RPGRIP1L: variants seen among roughly 807,000 people sequenced by gnomAD.
RPGRIP1L encodes the protein protein fantom.
RPGRIP1L carries 131 observed loss-of-function variants against 160.4 expected under a neutral mutation model. That is an observed-to-expected ratio of 0.82 (90% CI 0.71 to 0.94). The LOEUF (loss-of-function observed/expected upper bound fraction) is 0.94. RPGRIP1L is among the 40% of genes least tolerant of loss of function. RPGRIP1L has a pLI of 0.00. For missense variants in RPGRIP1L, 1,522 were observed against 1,535.8 expected, an observed-to-expected ratio of 0.99 and a Z score of 0.15; for synonymous variants, 510 against 515.8, an observed-to-expected ratio of 0.99 and a Z score of 0.15.
rs779866112 is a variant in RPGRIP1L, at chr16:53,602,081, C to A, written c.3943G>T (p.Ala1315Ser). Residue 1315 changes from alanine (A) to serine (S), a missense_variant, in exon 27 of 27, where the codon GCT becomes TCT. Ala to Ser is a moderately conservative substitution (Grantham distance 99, BLOSUM62 1). Transcript: ENST00000647211. ...TGCCTCTGGAGCATTTGCTTTCAAG[C>A]CTCCAAGTCATCTCTGTATTGCTTG... Reference protein sequence around the residue: ...VYKQYRDDLEA With the variant: ...VYKQYRDDLES 6.2e-7 allele frequency: 1 copy of A among 1,600,868 alleles called. No individual in the cohort carries two copies. The highest frequency in any genetic ancestry group is 8.6e-7 in the Non-Finnish European group (1 of 1,168,406).
chr16:53,619,022 TA>T lies in RPGRIP1L; in HGVS notation c.3616+2del, dbSNP rs1964549329. On this transcript the variant is annotated splice_donor_variant, in intron 24 of 26. Coordinates refer to ENST00000647211, the MANE Select transcript of RPGRIP1L (RefSeq NM_015272.5). LOFTEE classifies it high-confidence loss of function. ...GTCTATATTACAAATGAATCATACATACCATTGCTATAGTTATAGTAGACCC... is the reference window on the plus strand; with the variant it reads ...GTCTATATTACAAATGAATCATACATCCATTGCTATAGTTATAGTAGACCC... 4 of 1,606,356 alleles carry T rather than the reference TA, an allele frequency of 2.5e-6. No individual in the cohort carries two copies. Among genetic ancestry groups the T allele is most frequent in the Non-Finnish European group, 3.4e-6 (4 of 1,172,954 alleles).
At chr16:53,666,648 A>C (rs1968293706) in intron 9 of RPGRIP1L, among the ~76,000 whole-genome samples, 1 of 148,382 alleles carries the variant, frequency 6.7e-6, no homozygotes, top group South Asian at 2.1e-4. Context: ...TTTTATTAAA[A>C]ACATGTACCA....
chr16:53,691,593 C>A (rs1020885335), intron 4 of RPGRIP1L, among the ~76,000 whole-genome samples: 4 of 152,160 alleles, frequency 2.6e-5, no homozygotes, highest in Admixed American at 2.0e-4. Context: ...GAAATAAGGA[C>A]CCAACTTTTT....
rs1963287359 is a variant in RPGRIP1L at position 53,599,397 on chromosome 16, A to T, written c.*2679T>A. On this transcript the variant is annotated 3_prime_UTR_variant, in exon 27 of 27. Coordinates refer to ENST00000647211, the MANE Select transcript of RPGRIP1L (RefSeq NM_015272.5). ...CGTAAACCACACTGTAAACCATAAA[A>T]CTTATTTTTGTCAACTGCTTTTCAT... is the stretch of plus-strand genomic sequence containing the variant. 1 of 152,218 alleles carries T rather than the reference A, an allele frequency of 6.6e-6. No homozygotes were observed. The highest frequency in any genetic ancestry group is 1.5e-5 in the Non-Finnish European group (1 of 68,040). The allele number at this position is 152,218 out of a possible 1,614,324, so 9.4% of individuals were successfully genotyped here.
intron 24 of RPGRIP1L, among the ~76,000 whole-genome samples, chr16:53,615,468 ATATATTTTTT>A (rs1964309861): frequency 1.4e-5 from 1 of 69,892 alleles, no homozygotes; most frequent in African/African-American, 6.3e-5. Flanking sequence ...ATATATATAT[ATATATTTTTT>A]TTTTTTTTTT....
In RPGRIP1L at chr16:53,598,426, AG is replaced by A. The variant is rs1159688807; in HGVS notation, c.*3649del. The A allele has an allele frequency of 6.6e-5, 10 of 152,342 alleles. No individual in the cohort carries two copies. Among genetic ancestry groups the A allele is most frequent in the African/African-American group, 2.4e-4 (10 of 41,588 alleles). The allele number at this position is 152,342 out of a possible 1,614,324, so 9.4% of individuals were successfully genotyped here. A position where few individuals can be genotyped will look rare whatever the true frequency, so the allele number is the denominator to read the frequency against. ...TGAAAGGGCAAGAACAAAAGGTATAAGAATACCAGTAATATGGGTCCAATTT... is the reference window on the plus strand; with the variant it reads ...TGAAAGGGCAAGAACAAAAGGTATAAAATACCAGTAATATGGGTCCAATTT... On this transcript the variant is annotated 3_prime_UTR_variant, in exon 27 of 27. Coordinates refer to ENST00000647211, the MANE Select transcript of RPGRIP1L (RefSeq NM_015272.5).
intron 2 of RPGRIP1L, among the ~76,000 whole-genome samples, chr16:53,698,765 TG>T (rs1159143726): frequency 7.5e-6 from 1 of 132,696 alleles, no homozygotes; most frequent in Non-Finnish European, 1.6e-5. Flanking sequence ...GGGAGGGAGG[TG>T]GGGGGGTCAG....
Position 53,600,553 on chromosome 16 carries a change from A to G in RPGRIP1L, c.*1523T>C, listed in dbSNP as rs1258564649. Reference sequence around the variant, plus strand: ...ACTGGTCCCACAATGTACATCAACAAATTAATATTGTACGGATGTCATTTC... The same window carrying G: ...ACTGGTCCCACAATGTACATCAACAGATTAATATTGTACGGATGTCATTTC... On this transcript the variant is annotated 3_prime_UTR_variant, in exon 27 of 27. Coordinates refer to ENST00000647211, the MANE Select transcript of RPGRIP1L (RefSeq NM_015272.5). 6.6e-6 allele frequency: 1 copy of G among 152,632 alleles called. No individual in the cohort carries two copies. The highest frequency in any genetic ancestry group is 1.9e-4 in the East Asian group (1 of 5,192). The allele number at this position is 152,632 out of a possible 1,614,324, so 9.5% of individuals were successfully genotyped here. A position where few individuals can be genotyped will look rare whatever the true frequency, so the allele number is the denominator to read the frequency against.
intron 24 of RPGRIP1L, among the ~76,000 whole-genome samples, chr16:53,617,073 C>CAAAAAAAAAAAAAAAAAAAAAAAAA (rs397945611): frequency 2.7e-4 from 6 of 21,846 alleles, no homozygotes; most frequent in South Asian, 1.5e-3. Flanking sequence ...CCTTGCATCA[C>CAAAAAAAAAAAAAAAAAAAAAAAAA]AAAAAAAAAA....
intron 4 of RPGRIP1L, 66 bp downstream of exon 4, chr16:53,691,998 TTG>T: frequency 2.0e-6 from 3 of 1,463,840 alleles, no homozygotes; most frequent in Non-Finnish European, 2.9e-6. Context: ...AAGTAAAACT[TTG>T]TGTTTTTTTT....
At chr16:53,617,832 T>A (rs1964474449) in intron 24 of RPGRIP1L, among the ~76,000 whole-genome samples, 1 of 152,206 alleles carries the variant, frequency 6.6e-6, no homozygotes, top group South Asian at 2.1e-4. Context: ...GTAATCCTGC[T>A]GATACAACAG....
chr16:53,660,799 A>G (rs919257369), intron 10 of RPGRIP1L, among the ~76,000 whole-genome samples: 1 of 151,614 alleles, frequency 6.6e-6, no homozygotes, highest in Non-Finnish European at 1.5e-5. Context: ...AGGCTGAGGC[A>G]GGAGAATTGC....
intron 10 of RPGRIP1L, among the ~76,000 whole-genome samples, chr16:53,663,195 A>T (rs933462223): frequency 6.6e-6 from 1 of 151,968 alleles, no homozygotes; most frequent in African/African-American, 2.4e-5. Flanking sequence ...TTATTAAAAA[A>T]AATTCCCAAA....
rs553480902 is a variant in RPGRIP1L at position 53,690,921 on chromosome 16, A to G, written c.529+1145T>C. 7.2e-5 allele frequency among the ~76,000 whole-genome samples: 11 copies of G among 152,298 alleles called. No individual in the cohort carries two copies. In the South Asian group the frequency reaches 2.3e-3, roughly 32 times the overall value. ...CATTATGCTTACTTTAGTTGTATTC[A>G]GAGTCTACTGCCAATCTCACATAGC... On this transcript the variant is annotated intron_variant, in intron 4 of 26. Transcript: ENST00000647211.
At position 53,692,154 on chromosome 16, in the gene RPGRIP1L, TTGCC is replaced by T. The variant is rs1375767574; in HGVS notation, c.437_440del (p.Arg146LysfsTer32). 6.2e-7 allele frequency: 1 copy of T among 1,614,166 alleles called. No individual in the cohort carries two copies. The highest frequency in any genetic ancestry group is 8.5e-7 in the Non-Finnish European group (1 of 1,180,024). On this transcript the variant is annotated frameshift_variant, in exon 4 of 27. Coordinates refer to ENST00000647211, the MANE Select transcript of RPGRIP1L (RefSeq NM_015272.5). LOFTEE classifies it high-confidence loss of function. ...GAGATTGTACATTATTGTATGGAGT[TTGCC>T]TGTAACCCTGGGTTTGAAGTTGCTG...
At chr16:53,674,650 C>A (rs1047707693) in intron 7 of RPGRIP1L, among the ~76,000 whole-genome samples, 39 of 152,138 alleles carry the variant, frequency 2.6e-4, no homozygotes, top group African/African-American at 9.4e-4. Context: ...TTTATAAATG[C>A]TTAAAATTGA....
chr16:53,673,546 A>G (rs946518267), intron 7 of RPGRIP1L, among the ~76,000 whole-genome samples: 7 of 152,178 alleles, frequency 4.6e-5, no homozygotes, highest in Non-Finnish European at 8.8e-5. Context: ...TGGTCTATTT[A>G]TGACCATGCT....
chr16:53,695,749 C>A, intron 3 of RPGRIP1L: 1 of 355,114 alleles, frequency 2.8e-6, no homozygotes. Flanking sequence ...CATTAGTAAA[C>A]CCCAAATCTT....
chr16:53,665,065 T>C (rs1054730572), intron 9 of RPGRIP1L, 56 bp from the exon 10 acceptor site: 1 of 1,606,796 alleles, frequency 6.2e-7, no homozygotes, highest in Non-Finnish European at 8.5e-7. Context: ...CAACCGAAAA[T>C]AATAAAGAGA....
Sources: allele counts gnomAD v4.1 joint callset (sites outside exome capture counted in the v4.1 genomes callset), GRCh38; gene constraint gnomAD v4.1.1; transcripts MANE v1.5; gene names NCBI Gene and HGNC (gene_info 2026-07-23, HGNC 2026-07-21).